The following IL16 variants were observed in gnomAD, a reference collection of about 807,000 sequenced individuals.
IL16 encodes interleukin 16, also known as pro-interleukin-16.
Under a neutral mutation model 110.1 loss-of-function variants are expected in IL16, and 67 were observed. That is an observed-to-expected ratio of 0.61 (90% CI 0.50 to 0.75). IL16 has a LOEUF of 0.75. IL16 is among the 30% of genes least tolerant of loss of function. The probability of loss-of-function intolerance (pLI) is 0.00; values close to 1 mark genes in which losing one functional copy is unlikely to be tolerated. For synonymous variants in IL16, 689 were observed against 662.9 expected, an observed-to-expected ratio of 1.04 and a Z score of -0.61; for missense variants, 1,545 against 1,655.0, an observed-to-expected ratio of 0.93 and a Z score of 1.15.
At chr15:81,283,474 T>C (rs1899289010) in intron 9 of IL16, among the ~76,000 whole-genome samples, 1 of 152,056 alleles carries the variant, frequency 6.6e-6, no homozygotes, top group African/African-American at 2.4e-5. Flanking sequence ...TTGTTAGAAA[T>C]GTGGAATCTC....
At chr15:81,234,444 T>C (rs1897115922) in intron 2 of IL16, among the ~76,000 whole-genome samples, 1 of 152,188 alleles carries the variant, frequency 6.6e-6, no homozygotes. Flanking sequence ...CATTAAAATA[T>C]ACAACATACA....
chr15:81,263,724 A>G (rs1360957894), intron 3 of IL16, among the ~76,000 whole-genome samples: 1 of 152,154 alleles, frequency 6.6e-6, no homozygotes, highest in African/African-American at 2.4e-5. Flanking sequence ...AACCATTCCA[A>G]GTTGGCAGCC....
At chr15:81,199,991 T>TA (rs1375010158) in intron 1 of IL16, among the ~76,000 whole-genome samples, 4 of 152,178 alleles carry the variant, frequency 2.6e-5, no homozygotes, top group Non-Finnish European at 4.4e-5. Flanking sequence ...GGAATTGCTG[T>TA]AAAAAATCAG....
At chr15:81,234,383 C>G (rs1473004028) in intron 2 of IL16, among the ~76,000 whole-genome samples, 1 of 152,014 alleles carries the variant, frequency 6.6e-6, no homozygotes, top group East Asian at 1.9e-4. Context: ...TTTTACTATT[C>G]CATTTCCCCT....
intron 13 of IL16, among the ~76,000 whole-genome samples, chr15:81,298,949 A>G (rs1341276607): frequency 6.6e-6 from 1 of 152,246 alleles, no homozygotes; most frequent in Non-Finnish European, 1.5e-5. Flanking sequence ...AAAAGTTTAA[A>G]CGGCAGGAGA....
chr15:81,304,211 C>T (rs17875523), intron 16 of IL16, among the ~76,000 whole-genome samples: 16,523 of 152,220 alleles, frequency 0.11, 1,105 homozygotes, highest in African/African-American at 0.18. Flanking sequence ...CCTTGATTTC[C>T]TGATAAGTTT....
At position 81,299,637 on chromosome 15, in the gene IL16, T is replaced by A; in HGVS notation, c.2311T>A (p.Tyr771Asn). 4 of 1,614,218 alleles carry A rather than the reference T, an allele frequency of 2.5e-6. No individual in the cohort carries two copies. In the East Asian group the frequency reaches 6.7e-5, roughly 27 times the overall value. ...LDTANGTPKV[Y>N]KSADSSTVKK... Reference sequence around the variant, plus strand: ...CACCGCCAATGGCACTCCCAAAGTTTACAAGTCAGCAGACAGCAGCACTGT... The same window carrying A: ...CACCGCCAATGGCACTCCCAAAGTTAACAAGTCAGCAGACAGCAGCACTGT... The change falls in exon 14 of 19, where the codon TAC (tyrosine) becomes AAC (asparagine). Residue 771 changes from tyrosine to asparagine, a missense_variant. By Grantham distance (143) the Tyr-to-Asn change is moderately radical. Around this residue, in one of 3 missense-constraint regions of IL16, gnomAD observed 1,185 missense variants for 1,238.8 expected, o/e 0.96. Transcript: ENST00000683961.
intron 1 of IL16, among the ~76,000 whole-genome samples, chr15:81,212,050 T>C (rs1239736248): frequency 6.6e-6 from 1 of 152,158 alleles, no homozygotes; most frequent in Admixed American, 6.5e-5. Flanking sequence ...TCCTCAATTT[T>C]TTGGAATAGT....
chr15:81,227,630 T>C (rs1017719317), intron 2 of IL16, among the ~76,000 whole-genome samples: 1 of 152,178 alleles, frequency 6.6e-6, no homozygotes, highest in African/African-American at 2.4e-5. Flanking sequence ...TGGAGTTTTA[T>C]TCTACGAAGG....
At chr15:81,226,410 T>C (rs1896789363) in intron 2 of IL16, among the ~76,000 whole-genome samples, 1 of 152,236 alleles carries the variant, frequency 6.6e-6, no homozygotes, top group Non-Finnish European at 1.5e-5. Context: ...TCAAGTGCTG[T>C]GGCTTCTATC....
chr15:81,279,029 G>A, intron 7 of IL16, 139 bp downstream of exon 7: 1 of 664,258 alleles, frequency 1.5e-6, no homozygotes, highest in South Asian at 1.8e-5. Context: ...CTTGGCGCAG[G>A]GTTAAAAGAA....
Position 81,301,544 on chromosome 15 carries a change from C to T in IL16, c.3318+32C>T, listed in dbSNP as rs781164770. On this transcript the variant is annotated intron_variant, in intron 15 of 18. Coordinates refer to ENST00000683961, the MANE Select transcript of IL16 (RefSeq NM_172217.5). ...TTCCTTTGTAAGCATCTGCAGTAAC[C>T]AATGGCTTATTATGGCTGTGTGGCC... 3 of 1,596,012 alleles carry T rather than the reference C, an allele frequency of 1.9e-6. No homozygotes were observed. The South Asian group carries it at 3.4e-5, about 18-fold the overall frequency.
At chr15:81,221,710 C>G (rs1896623231) in intron 1 of IL16, among the ~76,000 whole-genome samples, 1 of 152,060 alleles carries the variant, frequency 6.6e-6, no homozygotes, top group Non-Finnish European at 1.5e-5. Flanking sequence ...AATGACAAGG[C>G]TCATTTTGAA....
intron 5 of IL16, 79 bp from the exon 6 acceptor site, chr15:81,273,011 G>A (rs1375754302): frequency 2.7e-6 from 3 of 1,117,858 alleles, no homozygotes; most frequent in Non-Finnish European, 1.3e-6. Context: ...CAGGGCTGAG[G>A]CAGGCCCTCA....
chr15:81,310,865 GAGGTTATCTGTCCC>G lies in IL16; in HGVS notation c.*2078_*2091del, dbSNP rs1021329559. ...CCAGGCAAAGCAAGTGATTGGGACA[GAGGTTATCTGTCCC>G]AGGTTATCTGGGCATAGATGCAGGT... is the stretch of plus-strand genomic sequence containing the variant. On this transcript the variant is annotated 3_prime_UTR_variant, in exon 19 of 19. Coordinates refer to ENST00000683961, the MANE Select transcript of IL16 (RefSeq NM_172217.5). 4 of 152,294 alleles carry G rather than the reference GAGGTTATCTGTCCC, an allele frequency of 2.6e-5. No individual in the cohort carries two copies. The highest frequency in any genetic ancestry group is 5.9e-5 in the Non-Finnish European group (4 of 68,108). 9.4% of individuals were successfully genotyped at this position (152,294 alleles called of 1,614,324 possible). A position where few individuals can be genotyped will look rare whatever the true frequency, so the allele number is the denominator to read the frequency against.
chr15:81,286,488 C>G (rs767366060), intron 10 of IL16, among the ~76,000 whole-genome samples: 5 of 152,134 alleles, frequency 3.3e-5, no homozygotes, highest in Non-Finnish European at 7.3e-5. Context: ...GTAAGAGTGA[C>G]TGAGAACAGA....
intron 1 of IL16, among the ~76,000 whole-genome samples, chr15:81,183,465 ATCT>A (rs772530633): frequency 3.9e-5 from 6 of 152,178 alleles, no homozygotes; most frequent in African/African-American, 9.7e-5. Context: ...TCTTATTAAA[ATCT>A]TCTTCTTTTG....
At chr15:81,186,072 A>G (rs1895414843) in intron 1 of IL16, among the ~76,000 whole-genome samples, 1 of 152,124 alleles carries the variant, frequency 6.6e-6, no homozygotes. Context: ...TCTGTTCCCC[A>G]CATCTGGCAG....
chr15:81,292,567 C>A lies in IL16; in HGVS notation c.1432C>A (p.Leu478Met). The change falls in exon 12 of 19, where the codon CTG becomes ATG. Residue 478 changes from leucine to methionine, a missense_variant. Physicochemically the swap from Leu to Met is conservative, Grantham distance 15. This residue lies in a region of IL16 where 1,185 missense variants were observed against 1,238.8 expected (regional missense o/e 0.96). Transcript: ENST00000683961. ...HQWSLEGVKR[L>M]ESSWHGRPTL... ...TGCTTCCCACACAGGTGTCAAAAGGCTGGAAAGCAGTTGGCACGGGCGGCC... is the reference window on the plus strand; with the variant it reads ...TGCTTCCCACACAGGTGTCAAAAGGATGGAAAGCAGTTGGCACGGGCGGCC... 6.2e-7 allele frequency: 1 copy of A among 1,605,698 alleles called. No homozygotes were observed. Among genetic ancestry groups the A allele is most frequent in the Non-Finnish European group, 8.5e-7 (1 of 1,173,410 alleles).
Sources: gnomAD v4.1 joint callset for allele counts (sites outside exome capture counted in the v4.1 genomes callset) on GRCh38, gnomAD v4.1.1 for gene constraint, gnomAD v4.1.1 regional missense constraint, MANE v1.5 for transcripts, NCBI Gene and HGNC (gene_info 2026-07-23, HGNC 2026-07-21) for gene names.